LRRK1: variants seen among roughly 807,000 people sequenced by gnomAD.
LRRK1 encodes leucine rich repeat kinase 1.
A neutral mutation model predicts 209.1 loss-of-function variants in LRRK1; 113 were observed. That is an observed-to-expected ratio of 0.54 (90% confidence interval 0.46 to 0.63). The LOEUF (loss-of-function observed/expected upper bound fraction) is 0.63. LRRK1 is among the 30% of genes least tolerant of loss of function. LRRK1 has a pLI of 0.00. For missense variants in LRRK1, 2,284 were observed against 2,632.2 expected (o/e 0.87, Z 2.89); for synonymous variants, 1,144 against 1,099.7 (o/e 1.04, Z -0.80).
intron 20 of LRRK1, 86 bp from the exon 21 acceptor site, chr15:101,045,895 C>G (rs1362057918): frequency 1.7e-6 from 2 of 1,161,256 alleles, no homozygotes; most frequent in Non-Finnish European, 2.5e-6. Flanking sequence ...CACAGCCTGT[C>G]CCCAGATCAG....
Position 101,049,747 on chromosome 15 carries a change from G to T in LRRK1, c.3403G>T (p.Asp1135Tyr), listed in dbSNP as rs764322028. 1.2e-6 allele frequency: 2 copies of T among 1,613,920 alleles called. No individual in the cohort carries two copies. Among genetic ancestry groups the T allele is most frequent in the African/African-American group, 1.3e-5 (1 of 74,918 alleles). Residue 1135 changes from aspartate to tyrosine, a missense_variant, in exon 23 of 34, where the codon GAC becomes TAC. Asp to Tyr is a radical substitution (Grantham distance 160, BLOSUM62 -3). This residue lies in a region of LRRK1 where 780 missense variants were observed against 985.2 expected (regional missense o/e 0.79). Transcript: ENST00000388948. ...RDFSAMAFIT[D>Y]HVNSLIDQWF... ...CTTCTCAGCCATGGCTTTCATCACG[G>T]ACCACGTCAATTCCTTGATTGATCA...
At chr15:100,988,896 A>C in intron 5 of LRRK1, 83 bp downstream of exon 5, 12 of 1,181,400 alleles carry the variant, frequency 1.0e-5, no homozygotes, top group Non-Finnish European at 1.4e-5. Context: ...CTTTATTCTC[A>C]CTCTTGGCTC....
rs75682980 is a variant in LRRK1, at chr15:101,053,696, A to G, written c.4054+276A>G. 5.0e-3 allele frequency among the ~76,000 whole-genome samples: 767 copies of G among 152,358 alleles called. 6 individuals carry two copies. Among genetic ancestry groups the G allele is most frequent in the African/African-American group, 0.018 (745 of 41,576 alleles). ...AAAGCCGCTGAGTTTATTTGCCTGT[A>G]AAAGGAGGATGGTAACAGGCCTCGC... is the stretch of plus-strand genomic sequence containing the variant. On this transcript the variant is annotated intron_variant, in intron 26 of 33. Coordinates refer to ENST00000388948, the MANE Select transcript of LRRK1 (RefSeq NM_024652.6).
Position 101,066,650 on chromosome 15 carries a change from G to A in LRRK1, c.5779G>A (p.Asp1927Asn). ...GTTTTGGTTGCTTAGGCGCGGTGGA[G>A]ATGTTATCGTCATTGGCCTGGAGAA... The part of the protein sequence containing the change: ...DLIWVPRRGG[D>N]VIVIGLEKDS... The change falls in exon 33 of 34, where the codon GAT (aspartate) becomes AAT (asparagine). Residue 1927 changes from aspartate to asparagine, a missense_variant. Asp to Asn is a conservative substitution (Grantham distance 23). This residue lies in a region of LRRK1 where 643 missense variants were observed against 695.9 expected (regional missense o/e 0.92). Coordinates refer to ENST00000388948, the MANE Select transcript of LRRK1 (RefSeq NM_024652.6). The A allele has an allele frequency of 6.2e-7, 1 of 1,614,232 alleles. No homozygotes were observed. The highest frequency in any genetic ancestry group is 8.5e-7 in the Non-Finnish European group (1 of 1,180,014).
chr15:101,038,199 T>G (rs1054622619), intron 20 of LRRK1, among the ~76,000 whole-genome samples: 2 of 151,988 alleles, frequency 1.3e-5, no homozygotes, highest in Non-Finnish European at 2.9e-5. Flanking sequence ...AATAATACAA[T>G]GGATTTTGGG....
chr15:100,969,063 C>T (rs776371908), intron 2 of LRRK1, among the ~76,000 whole-genome samples: 3 of 152,124 alleles, frequency 2.0e-5, no homozygotes, highest in Non-Finnish European at 4.4e-5. Flanking sequence ...TGGTCTCAAA[C>T]TCCTAGGCTC....
At chr15:101,065,185 T>C (rs1367244095) in intron 31 of LRRK1, 167 bp from the exon 32 acceptor site, 3 of 708,854 alleles carry the variant, frequency 4.2e-6, no homozygotes, top group African/African-American at 3.5e-5. Context: ...GCTGCACTTC[T>C]TTAGGAGTAG....
At chr15:101,021,716 G>A (rs2033795867) in intron 13 of LRRK1, 129 bp from the exon 14 acceptor site, 1 of 616,460 alleles carries the variant, frequency 1.6e-6, no homozygotes, top group Admixed American at 3.1e-5. Context: ...TTGAAATCAG[G>A]GCTCAAAGTG....
At position 101,073,269 on chromosome 15, in the gene LRRK1, G is replaced by A. The variant is rs907016905; in HGVS notation, c.*4421G>A. 1.3e-5 allele frequency: 2 copies of A among 152,306 alleles called. No homozygotes were observed. Among genetic ancestry groups the A allele is most frequent in the African/African-American group, 2.4e-5 (1 of 41,464 alleles). The allele number at this position is 152,306 out of a possible 1,614,324, so 9.4% of individuals were successfully genotyped here. A position where few individuals can be genotyped will look rare whatever the true frequency, so the allele number is the denominator to read the frequency against. Reference sequence around the variant, plus strand: ...GACCCAAAACTCCAGCGCCGGTCACGGACTGGGAAGGCAGCCTTCCCTTGG... The same window carrying A: ...GACCCAAAACTCCAGCGCCGGTCACAGACTGGGAAGGCAGCCTTCCCTTGG... On this transcript the variant is annotated 3_prime_UTR_variant, in exon 34 of 34. Transcript: ENST00000388948.
chr15:101,013,336 C>A (rs1180694632), intron 10 of LRRK1, among the ~76,000 whole-genome samples: 1 of 152,208 alleles, frequency 6.6e-6, no homozygotes, highest in East Asian at 1.9e-4. Context: ...AGCAAACAGC[C>A]TGTGGCCCTC....
intron 2 of LRRK1, among the ~76,000 whole-genome samples, chr15:100,936,438 A>G (rs2042300953): frequency 6.6e-6 from 1 of 152,236 alleles, no homozygotes; most frequent in Admixed American, 6.5e-5. Flanking sequence ...TGAACTCCAC[A>G]ATGTCATCCA....
intron 20 of LRRK1, among the ~76,000 whole-genome samples, chr15:101,037,052 A>C (rs2034520033): frequency 6.6e-6 from 1 of 152,160 alleles, no homozygotes; most frequent in Non-Finnish European, 1.5e-5. Context: ...CACCAGTGTT[A>C]GAGGGTCCAG....
intron 31 of LRRK1, 51 bp from the exon 32 acceptor site, chr15:101,065,301 T>A: frequency 6.3e-7 from 1 of 1,581,882 alleles, no homozygotes; most frequent in Non-Finnish European, 8.6e-7. Context: ...GTGTCTCTCT[T>A]GGAATGTGTG....
intron 2 of LRRK1, among the ~76,000 whole-genome samples, chr15:100,932,420 C>T (rs1596159941): frequency 6.6e-6 from 1 of 152,184 alleles, no homozygotes; most frequent in South Asian, 2.1e-4. Context: ...TCAGAGTTCC[C>T]TCTATATGCA....
intron 2 of LRRK1, among the ~76,000 whole-genome samples, chr15:100,950,928 G>T (rs368862735): frequency 6.6e-6 from 1 of 151,466 alleles, no homozygotes; most frequent in African/African-American, 2.4e-5. Flanking sequence ...ACGGTGAAAC[G>T]CCATCTCTAC....
intron 6 of LRRK1, among the ~76,000 whole-genome samples, chr15:101,004,096 G>A (rs899354566): frequency 2.6e-5 from 4 of 152,274 alleles, no homozygotes; most frequent in East Asian, 1.9e-4. Flanking sequence ...CCTTGGCCTC[G>A]AATTCCCCTG....
chr15:101,002,171 G>A (rs1478187369), intron 6 of LRRK1, among the ~76,000 whole-genome samples: 1 of 152,198 alleles, frequency 6.6e-6, no homozygotes. Flanking sequence ...GTGGGGCAAT[G>A]CCTCATTCAC....
chr15:100,981,218 G>C (rs1329751869), intron 3 of LRRK1, among the ~76,000 whole-genome samples: 3 of 152,176 alleles, frequency 2.0e-5, no homozygotes, highest in Admixed American at 6.5e-5. Context: ...TCTTGGCCTT[G>C]GGCTGGCTCC....
intron 6 of LRRK1, among the ~76,000 whole-genome samples, chr15:100,991,725 G>A (rs1256797116): frequency 6.6e-6 from 1 of 151,772 alleles, no homozygotes; most frequent in Non-Finnish European, 1.5e-5. Context: ...GTCTTATTGT[G>A]TATCTTTAGA....
Sources: allele counts gnomAD v4.1 joint callset (sites outside exome capture counted in the v4.1 genomes callset), GRCh38; gene constraint gnomAD v4.1.1; regional missense constraint gnomAD v4.1.1; transcripts MANE v1.5; gene names NCBI Gene and HGNC (gene_info 2026-07-23, HGNC 2026-07-21).